SLC35A1: variants seen among roughly 807,000 people sequenced by gnomAD.
The protein encoded by SLC35A1 is solute carrier family 35 member A1, also known as CMP-sialic acid transporter.
Under a neutral mutation model 40.3 loss-of-function variants are expected in SLC35A1, and 21 were observed. The ratio of observed to expected loss-of-function variants is 0.52; its 90% CI spans 0.37 to 0.75. The LOEUF (loss-of-function observed/expected upper bound fraction) is 0.75. Ranked by LOEUF, SLC35A1 falls within the 30% of genes least tolerant of loss-of-function variation. The pLI is 0.00. For synonymous variants in SLC35A1, 146 were observed against 147.3 expected (o/e 0.99, Z 0.06); for missense variants, 297 against 382.1 (o/e 0.78, Z 1.86).
intron 2 of SLC35A1, among the ~76,000 whole-genome samples, chr6:87,486,879 A>G (rs536022673): frequency 4.6e-5 from 7 of 152,260 alleles, no homozygotes; most frequent in African/African-American, 1.7e-4. Flanking sequence ...AGTGCATTAG[A>G]AAAATCATTG....
Position 87,499,332 on chromosome 6 carries a change from C to T in SLC35A1, c.195-1176C>T, listed in dbSNP as rs145391344. ...TATCAAACTTTGAGTTGGAACAGAGCTATTTCACCAACAAAGTATTATGGT... is the reference window on the plus strand; with the variant it reads ...TATCAAACTTTGAGTTGGAACAGAGTTATTTCACCAACAAAGTATTATGGT... On this transcript the variant is annotated intron_variant, in intron 2 of 7. Transcript: ENST00000369552. Among the ~76,000 whole-genome samples the T allele has an allele frequency of 2.5e-3, 375 of 152,270 alleles. 1 individual carries two copies. Among genetic ancestry groups the T allele is most frequent in the African/African-American group, 8.7e-3 (361 of 41,548 alleles).
intron 4 of SLC35A1, among the ~76,000 whole-genome samples, chr6:87,503,170 G>A (rs1769971130): frequency 6.6e-6 from 1 of 152,072 alleles, no homozygotes; most frequent in African/African-American, 2.4e-5. Flanking sequence ...TCTTTTTCTT[G>A]CTTACTGAAC....
At position 87,473,002 on chromosome 6, in the gene SLC35A1, C is replaced by T; in HGVS notation, c.-2C>T. On this transcript the variant is annotated 5_prime_UTR_variant, in exon 1 of 8. Transcript: ENST00000369552. ...AGTTCCGCGGGGGGCTGTCGGGGAACCATGGCTGCCCCGAGAGGTGAGAAC... is the reference window on the plus strand; with the variant it reads ...AGTTCCGCGGGGGGCTGTCGGGGAATCATGGCTGCCCCGAGAGGTGAGAAC... The T allele has an allele frequency of 4.4e-6, 3 of 681,942 alleles. No homozygotes were observed. Among genetic ancestry groups the T allele is most frequent in the Non-Finnish European group, 6.7e-6 (3 of 450,650 alleles). The allele number at this position is 681,942 out of a possible 1,614,324, so 42.2% of individuals were successfully genotyped here.
chr6:87,497,885 C>T (rs982661360), intron 2 of SLC35A1, among the ~76,000 whole-genome samples: 1 of 143,866 alleles, frequency 7.0e-6, no homozygotes, highest in Non-Finnish European at 1.5e-5. Flanking sequence ...TGTGCCACCA[C>T]TCCTGGCAGT....
chr6:87,505,847 C>T (rs1770063711), intron 4 of SLC35A1, among the ~76,000 whole-genome samples: 1 of 152,174 alleles, frequency 6.6e-6, no homozygotes, highest in Admixed American at 6.5e-5. Flanking sequence ...GCAATTAAAT[C>T]TCAACATGTG....
chr6:87,511,609 A>G lies in SLC35A1; in HGVS notation c.*83A>G, dbSNP rs1400982262. Reference sequence around the variant, plus strand: ...TTAAGTCAATCTCAGAAGGTAGCATAAACAAATAAAAATTAACTGTATGGC... The same window carrying G: ...TTAAGTCAATCTCAGAAGGTAGCATGAACAAATAAAAATTAACTGTATGGC... On this transcript the variant is annotated 3_prime_UTR_variant, in exon 8 of 8. Coordinates refer to ENST00000369552, the MANE Select transcript of SLC35A1 (RefSeq NM_006416.5). The G allele has an allele frequency of 6.9e-7, 1 of 1,444,790 alleles. No individual in the cohort carries two copies. The highest frequency in any genetic ancestry group is 2.3e-5 in the East Asian group (1 of 44,010). 89.5% of individuals were successfully genotyped at this position (1,444,790 alleles called of 1,614,324 possible).
intron 4 of SLC35A1, among the ~76,000 whole-genome samples, chr6:87,505,249 T>C (rs1418781217): frequency 6.6e-6 from 1 of 152,244 alleles, no homozygotes; most frequent in Non-Finnish European, 1.5e-5. Context: ...ACAAGGTATA[T>C]ACTTCCTTGT....
chr6:87,500,255 ATC>A (rs1277443753), intron 2 of SLC35A1, among the ~76,000 whole-genome samples: 2 of 152,156 alleles, frequency 1.3e-5, no homozygotes, highest in Non-Finnish European at 2.9e-5. Context: ...TATACTCAGA[ATC>A]TCTCAGAGCT....
At chr6:87,478,563 C>A (rs975292380) in intron 2 of SLC35A1, among the ~76,000 whole-genome samples, 1 of 152,044 alleles carries the variant, frequency 6.6e-6, no homozygotes, top group Admixed American at 6.6e-5. Context: ...AAATGTTACA[C>A]GACATTGTGA....
At chr6:87,496,025 T>A (rs925138757) in intron 2 of SLC35A1, 2 of 152,342 alleles carry the variant, frequency 1.3e-5, no homozygotes, top group East Asian at 3.9e-4. Flanking sequence ...AAACAAAATT[T>A]AACTTTCTTA....
In SLC35A1 at chr6:87,511,627, T is replaced by C; in HGVS notation, c.*101T>C. ...GTAGCATAAACAAATAAAAATTAAC[T>C]GTATGGCATGATCAGTGCGGTTATG... On this transcript the variant is annotated 3_prime_UTR_variant, in exon 8 of 8. Coordinates refer to ENST00000369552, the MANE Select transcript of SLC35A1 (RefSeq NM_006416.5). The C allele has an allele frequency of 7.8e-7, 1 of 1,283,734 alleles. No individual in the cohort carries two copies. The highest frequency in any genetic ancestry group is 1.1e-6 in the Non-Finnish European group (1 of 880,784). 79.5% of individuals were successfully genotyped at this position (1,283,734 alleles called of 1,614,324 possible).
chr6:87,509,769 C>T (rs1178701586), intron 7 of SLC35A1, among the ~76,000 whole-genome samples: 4 of 152,060 alleles, frequency 2.6e-5, no homozygotes, highest in Non-Finnish European at 5.9e-5. Flanking sequence ...CTTTGTTAGT[C>T]CTAATATAAT....
chr6:87,504,760 G>A (rs906077970), intron 4 of SLC35A1, among the ~76,000 whole-genome samples: 17 of 152,264 alleles, frequency 1.1e-4, no homozygotes, highest in African/African-American at 4.1e-4. Flanking sequence ...TAACTGTAGA[G>A]ACATTCAACT....
At chr6:87,477,055 T>C (rs959129718) in intron 1 of SLC35A1, among the ~76,000 whole-genome samples, 1 of 152,206 alleles carries the variant, frequency 6.6e-6, no homozygotes, top group South Asian at 2.1e-4. Flanking sequence ...ATATATATAA[T>C]GTAATTTATA....
At position 87,483,798 on chromosome 6, in the gene SLC35A1, A is replaced by G. The variant is rs545432837; in HGVS notation, c.194+6259A>G. ...TTCCCCCTCTGAAGGTCCCTTGCAC[A>G]CTTCCCACTCATGTTGTCCTCTCTG... On this transcript the variant is annotated intron_variant, in intron 2 of 7. Coordinates refer to ENST00000369552, the MANE Select transcript of SLC35A1 (RefSeq NM_006416.5). Among the ~76,000 whole-genome samples the G allele has an allele frequency of 6.6e-4, 101 of 152,156 alleles. 1 individual carries two copies. The highest frequency in any genetic ancestry group is 2.4e-3 in the African/African-American group (100 of 41,508).
intron 2 of SLC35A1, among the ~76,000 whole-genome samples, chr6:87,483,305 C>G (rs577630334): frequency 6.6e-6 from 1 of 151,974 alleles, no homozygotes; most frequent in Non-Finnish European, 1.5e-5. Context: ...CTGTTCTTCC[C>G]TCTCCTCCTT....
intron 2 of SLC35A1, among the ~76,000 whole-genome samples, chr6:87,484,352 C>G (rs1396005198): frequency 1.3e-5 from 2 of 152,150 alleles, no homozygotes; most frequent in African/African-American, 4.8e-5. Flanking sequence ...AAATAGCACT[C>G]GAATATAAAA....
At chr6:87,496,948 A>G (rs1425703102) in intron 2 of SLC35A1, among the ~76,000 whole-genome samples, 1 of 152,124 alleles carries the variant, frequency 6.6e-6, no homozygotes, top group Non-Finnish European at 1.5e-5. Context: ...TCTAGCAGAT[A>G]TATTGCTCTT....
rs1388241565 is a variant in SLC35A1 at position 87,500,537 on chromosome 6, C to T, written c.224C>T (p.Ala75Val). 1 of 1,614,084 alleles carries T rather than the reference C, an allele frequency of 6.2e-7. No homozygotes were observed. ...KETGSLGRFK[A>V]SLRENVLGSP... ...ACTGGTAGTCTGGGTAGATTCAAAG[C>T]ATCTTTAAGAGAAAATGTCTTGGGG... The change falls in exon 3 of 8, where the codon GCA (alanine) becomes GTA (valine). Residue 75 changes from alanine to valine, a missense_variant. Coordinates refer to ENST00000369552, the MANE Select transcript of SLC35A1 (RefSeq NM_006416.5).
Sources: allele counts gnomAD v4.1 joint callset (sites outside exome capture counted in the v4.1 genomes callset), GRCh38; gene constraint gnomAD v4.1.1; transcripts MANE v1.5; gene names NCBI Gene and HGNC (gene_info 2026-07-23, HGNC 2026-07-21).